Variants in TESK2 observed in about 807,000 individuals in gnomAD.
TESK2 encodes testis associated actin remodelling kinase 2.
TESK2 carries 39 observed loss-of-function variants against 57.1 expected under a neutral mutation model. The observed-to-expected ratio is 0.68, with a 90% CI of 0.53 to 0.89. The LOEUF (loss-of-function observed/expected upper bound fraction) is 0.89, where lower values mean the gene tolerates loss of function less well. Among genes scored for constraint, TESK2 ranks in the 40% least tolerant of loss-of-function variants. The pLI is 0.00. For missense variants in TESK2, 646 were observed against 732.1 expected, an observed-to-expected ratio of 0.88 and a Z score of 1.36; for synonymous variants, 249 against 267.9, an observed-to-expected ratio of 0.93 and a Z score of 0.69.
chr1:45,443,453 C>T (rs182742063), intron 2 of TESK2, among the ~76,000 whole-genome samples: 15 of 151,332 alleles, frequency 9.9e-5, no homozygotes, highest in Admixed American at 1.3e-4. Context: ...GCCTGTGGTC[C>T]CAGCTACTCG....
chr1:45,347,294 G>A (rs905143106), intron 7 of TESK2, among the ~76,000 whole-genome samples: 14 of 152,126 alleles, frequency 9.2e-5, no homozygotes, highest in African/African-American at 2.2e-4. Context: ...AGCCGAGCGC[G>A]ATGGCTCATG....
intron 3 of TESK2, among the ~76,000 whole-genome samples, chr1:45,405,517 T>G (rs1316128150): frequency 1.4e-4 from 21 of 151,934 alleles, no homozygotes; most frequent in Non-Finnish European, 1.5e-5. Flanking sequence ...CAGGGCCAGG[T>G]GCAATGGCTT....
chr1:45,384,602 T>TAA lies in TESK2; in HGVS notation c.393+1309_393+1310insTT, dbSNP rs1557551482. Among the ~76,000 whole-genome samples the TAA allele has an allele frequency of 6.7e-5, 8 of 119,426 alleles. No individual in the cohort carries two copies. In the East Asian group the frequency reaches 1.1e-3, roughly 17 times the overall value. 78.3% of individuals were successfully genotyped at this position (119,426 alleles called of 152,430 possible). On this transcript the variant is annotated intron_variant, in intron 4 of 10. Transcript: ENST00000372086. ...ATCCAGCTAATTATTAATTTTTTTTTTTTTTTTTTTTTTTTTTTTTTTTTG... is the reference window on the plus strand; with the variant it reads ...ATCCAGCTAATTATTAATTTTTTTTTAATTTTTTTTTTTTTTTTTTTTTTTTG...
chr1:45,419,102 C>T (rs566927226), intron 3 of TESK2, among the ~76,000 whole-genome samples: 43 of 151,948 alleles, frequency 2.8e-4, no homozygotes, highest in Middle Eastern at 3.4e-3. Context: ...CTCAGCCTCC[C>T]GAGTAGCTGG....
intron 1 of TESK2, among the ~76,000 whole-genome samples, chr1:45,463,268 T>C (rs538866367): frequency 1.0e-3 from 154 of 152,338 alleles, no homozygotes; most frequent in Middle Eastern, 3.4e-3. Flanking sequence ...TTTGCTTTGG[T>C]TACCTGTACT....
At chr1:45,458,579 A>AAG (rs1308556253) in intron 1 of TESK2, among the ~76,000 whole-genome samples, 1 of 152,044 alleles carries the variant, frequency 6.6e-6, no homozygotes, top group Non-Finnish European at 1.5e-5. Context: ...AAAAAAAAAA[A>AAG]AATTGAAGTG....
At chr1:45,414,874 T>C (rs1240842097) in intron 3 of TESK2, 2 of 369,008 alleles carry the variant, frequency 5.4e-6, no homozygotes, top group East Asian at 1.2e-4. Flanking sequence ...GAAGGTTCTA[T>C]TGGACAGCAA....
intron 3 of TESK2, among the ~76,000 whole-genome samples, chr1:45,411,573 A>G (rs1650041611): frequency 6.6e-6 from 1 of 152,124 alleles, no homozygotes; most frequent in Non-Finnish European, 1.5e-5. Context: ...CCACAGGCTG[A>G]TACCGGTCCA....
At chr1:45,400,900 T>C (rs1649568906) in intron 3 of TESK2, among the ~76,000 whole-genome samples, 1 of 151,730 alleles carries the variant, frequency 6.6e-6, no homozygotes, top group South Asian at 2.1e-4. Flanking sequence ...CACACACCTG[T>C]AATCCCAGCT....
At chr1:45,414,538 T>TG (rs531563598) in intron 3 of TESK2, among the ~76,000 whole-genome samples, 20 of 151,984 alleles carry the variant, frequency 1.3e-4, no homozygotes, top group African/African-American at 4.8e-4. Flanking sequence ...AGGGTGGAGG[T>TG]GGGGATCATT....
At chr1:45,483,364 G>A (rs1259766036) in intron 1 of TESK2, among the ~76,000 whole-genome samples, 2 of 151,966 alleles carry the variant, frequency 1.3e-5, no homozygotes, top group African/African-American at 4.8e-5. Flanking sequence ...GGGAGGCCGA[G>A]GCAGGCGGAT....
intron 5 of TESK2, among the ~76,000 whole-genome samples, chr1:45,350,970 T>C (rs1305848098): frequency 6.6e-6 from 1 of 152,252 alleles, no homozygotes; most frequent in Non-Finnish European, 1.5e-5. Flanking sequence ...TATTCCTCAT[T>C]GTGTGGCATA....
At chr1:45,428,852 C>T (rs1452574753) in intron 2 of TESK2, among the ~76,000 whole-genome samples, 4 of 117,056 alleles carry the variant, frequency 3.4e-5, no homozygotes, top group African/African-American at 1.4e-4. Context: ...GACGGAGTCT[C>T]GCTCTGTCAC....
chr1:45,375,382 A>C (rs1648359344), intron 4 of TESK2, among the ~76,000 whole-genome samples: 1 of 147,812 alleles, frequency 6.8e-6, no homozygotes, highest in East Asian at 2.0e-4. Context: ...TATTCCAACT[A>C]CCTAGAACAC....
intron 3 of TESK2, among the ~76,000 whole-genome samples, chr1:45,392,583 C>A (rs1649191434): frequency 6.6e-6 from 1 of 152,090 alleles, no homozygotes; most frequent in African/African-American, 2.4e-5. Flanking sequence ...TGCCTGTAAT[C>A]CCAGATACTC....
rs4660850 is a variant in TESK2 at position 45,378,027 on chromosome 1, A to G, written c.393+7885T>C. Among the ~76,000 whole-genome samples the G allele has an allele frequency of 3.3e-3, 506 of 152,068 alleles. 3 individuals carry two copies. Among genetic ancestry groups the G allele is most frequent in the Admixed American group, 0.015 (229 of 15,278 alleles). On this transcript the variant is annotated intron_variant, in intron 4 of 10. Transcript: ENST00000372086. ...GGTGACAGAGCAAGACTCCATCTCA[A>G]AAAATAAAGAAATGAAATGATAAGG...
At chr1:45,465,733 ATT>A (rs1652525169) in intron 1 of TESK2, among the ~76,000 whole-genome samples, 1 of 152,216 alleles carries the variant, frequency 6.6e-6, no homozygotes, top group East Asian at 1.9e-4. Flanking sequence ...GAATAAAGAT[ATT>A]CATTTCATTT....
chr1:45,389,078 G>C (rs1282150777), intron 3 of TESK2, among the ~76,000 whole-genome samples: 3 of 152,080 alleles, frequency 2.0e-5, no homozygotes, highest in African/African-American at 7.2e-5. Flanking sequence ...ATCCATTCAT[G>C]GATTAATGGA....
chr1:45,403,397 A>C (rs941635483), intron 3 of TESK2, among the ~76,000 whole-genome samples: 1 of 152,220 alleles, frequency 6.6e-6, no homozygotes, highest in Admixed American at 6.6e-5. Context: ...GAGGTATTAC[A>C]TCATGGAAAA....
Sources: gnomAD v4.1 joint callset for allele counts (sites outside exome capture counted in the v4.1 genomes callset) on GRCh38, gnomAD v4.1.1 for gene constraint, MANE v1.5 for transcripts, NCBI Gene and HGNC (gene_info 2026-07-23, HGNC 2026-07-21) for gene names.